Variants in ZBTB44 observed in about 807,000 individuals in gnomAD.
ZBTB44 encodes the protein zinc finger and BTB domain-containing protein 44.
In ZBTB44, 15 loss-of-function variants were observed where a neutral mutation model predicts 54.0. The ratio of observed to expected loss-of-function variants is 0.28; its 90% CI spans 0.19 to 0.43. The LOEUF is 0.43. Ranked by LOEUF, ZBTB44 falls within the 20% of genes least tolerant of loss-of-function variation. The probability of loss-of-function intolerance (pLI) is 1.00; values close to 1 mark genes in which losing one functional copy is unlikely to be tolerated. For synonymous variants in ZBTB44, 230 were observed against 250.1 expected, an observed-to-expected ratio of 0.92 and a Z score of 0.76; for missense variants, 487 against 707.1, an observed-to-expected ratio of 0.69 and a Z score of 3.53.
Position 130,260,936 on chromosome 11 carries a change from G to C in ZBTB44, c.938C>G (p.Ser313Trp), listed in dbSNP as rs372697494. 3.5e-5 allele frequency: 57 copies of C among 1,613,842 alleles called. No individual in the cohort carries two copies. The highest frequency in any genetic ancestry group is 4.7e-5 in the Non-Finnish European group (56 of 1,179,902). Residue 313 changes from serine (S) to tryptophan (W), a missense_variant, in exon 2 of 8, where the codon TCG becomes TGG. Ser to Trp is a radical substitution (Grantham distance 177, BLOSUM62 -3). Around this residue, in one of 3 missense-constraint regions of ZBTB44, gnomAD observed 277 missense variants for 306.5 expected, o/e 0.90. Coordinates refer to ENST00000357899, the MANE Select transcript of ZBTB44 (RefSeq NM_001301098.2). ...VSQPVSASQS[S>W]LSDQQTVPGS... is the part of the protein sequence containing the mutation. ...TGGAACTGTCTGCTGATCACTCAGC[G>C]AACTCTGAGATGCACTGACAGGCTG...
rs1189706406 is a variant in ZBTB44 at position 130,244,665 on chromosome 11, T to TGG, written c.1019-4771_1019-4770dup. On this transcript the variant is annotated intron_variant, in intron 2 of 7. Coordinates refer to ENST00000357899, the MANE Select transcript of ZBTB44 (RefSeq NM_001301098.2). Reference sequence around the variant, plus strand: ...CTGGGCGACAGAGAGAGACTCTGTCTGGAAAAAAAAAAAAAAAAAAAGAAA... The same window carrying TGG: ...CTGGGCGACAGAGAGAGACTCTGTCTGGGGAAAAAAAAAAAAAAAAAAAGAAA... 1.4e-3 allele frequency among the ~76,000 whole-genome samples: 52 copies of TGG among 38,440 alleles called. 1 individual carries two copies. The highest frequency in any genetic ancestry group is 7.3e-3 in the African/African-American group (41 of 5,636). 25.2% of individuals were successfully genotyped at this position (38,440 alleles called of 152,430 possible).
chr11:130,295,313 A>G (rs186852619), intron 1 of ZBTB44, among the ~76,000 whole-genome samples: 14 of 152,326 alleles, frequency 9.2e-5, no homozygotes, highest in Admixed American at 5.2e-4. Flanking sequence ...AGTGGAAGAT[A>G]TAAAACCTAA....
At chr11:130,269,554 T>C (rs112607175) in intron 1 of ZBTB44, among the ~76,000 whole-genome samples, 1,857 of 152,356 alleles carry the variant, frequency 0.012, 17 homozygotes, top group Middle Eastern at 0.02. Flanking sequence ...TCACACATTC[T>C]TGTGAAAGTG....
intron 1 of ZBTB44, among the ~76,000 whole-genome samples, chr11:130,278,973 C>T (rs369449802): frequency 1.3e-5 from 2 of 152,026 alleles, no homozygotes; most frequent in East Asian, 3.9e-4. Flanking sequence ...GTGCATGAGT[C>T]ATAATTTCTT....
intron 1 of ZBTB44, among the ~76,000 whole-genome samples, chr11:130,313,966 A>AT (rs1555059256): frequency 2.6e-5 from 3 of 116,134 alleles, no homozygotes; most frequent in African/African-American, 8.5e-5. Flanking sequence ...ATATATATAT[A>AT]TTTTTTTAAA....
intron 1 of ZBTB44, among the ~76,000 whole-genome samples, chr11:130,277,844 C>T (rs557297777): frequency 1.3e-5 from 2 of 152,040 alleles, no homozygotes; most frequent in African/African-American, 4.8e-5. Context: ...CTTTATTTTG[C>T]TTTCATTTAA....
At chr11:130,307,060 C>T (rs1165939274) in intron 1 of ZBTB44, among the ~76,000 whole-genome samples, 3 of 146,502 alleles carry the variant, frequency 2.0e-5, no homozygotes, top group Admixed American at 1.4e-4. Context: ...AAAAAAAAAT[C>T]AAAGAACAAG....
Position 130,238,893 on chromosome 11 carries a change from G to GA in ZBTB44, c.1104-287dup, listed in dbSNP as rs536470222. 28 of 209,542 alleles carry GA rather than the reference G, an allele frequency of 1.3e-4. No individual in the cohort carries two copies. In the South Asian group the frequency reaches 3.3e-3, roughly 25 times the overall value. The allele number at this position is 209,542 out of a possible 1,614,324, so 13.0% of individuals were successfully genotyped here. On this transcript the variant is annotated intron_variant, in intron 3 of 7. Transcript: ENST00000357899. ...CCTATAGATTTTAGGTATGAATAAA[G>GA]AATGTTAAGAATCTATAGCTTAAAA... is the stretch of plus-strand genomic sequence containing the variant.
chr11:130,301,517 C>T (rs183754513), intron 1 of ZBTB44, among the ~76,000 whole-genome samples: 68 of 152,014 alleles, frequency 4.5e-4, no homozygotes, highest in South Asian at 2.5e-3. Context: ...TATAATAATC[C>T]GCTGCGTGTG....
chr11:130,303,705 G>C (rs1484601916), intron 1 of ZBTB44, among the ~76,000 whole-genome samples: 1 of 151,638 alleles, frequency 6.6e-6, no homozygotes, highest in Non-Finnish European at 1.5e-5. Context: ...AATACCTGTA[G>C]AAGGATAGCA....
At chr11:130,270,483 A>C (rs1939588513) in intron 1 of ZBTB44, among the ~76,000 whole-genome samples, 1 of 152,230 alleles carries the variant, frequency 6.6e-6, no homozygotes, top group Non-Finnish European at 1.5e-5. Flanking sequence ...GATTTTACAG[A>C]TGAGGAAACT....
intron 1 of ZBTB44, chr11:130,295,892 A>G (rs1210727333): frequency 6.8e-7 from 1 of 1,476,004 alleles, no homozygotes; most frequent in Non-Finnish European, 9.5e-7. Context: ...GTGCATACCT[A>G]TGGGTTGATA....
chr11:130,288,640 G>GT (rs1306267584), intron 1 of ZBTB44, among the ~76,000 whole-genome samples: 1 of 152,020 alleles, frequency 6.6e-6, no homozygotes, highest in Non-Finnish European at 1.5e-5. Flanking sequence ...GCTCATGCCT[G>GT]TAATCCCAGC....
intron 2 of ZBTB44, among the ~76,000 whole-genome samples, chr11:130,245,307 A>G (rs1954596099): frequency 7.9e-5 from 12 of 152,228 alleles, no homozygotes; most frequent in Admixed American, 7.9e-4. Context: ...ATCCAGATGT[A>G]GGACAGAGAA....
At chr11:130,255,560 A>G (rs1457630041) in intron 2 of ZBTB44, among the ~76,000 whole-genome samples, 2 of 152,198 alleles carry the variant, frequency 1.3e-5, no homozygotes, top group Admixed American at 6.5e-5. Flanking sequence ...AGAACAGAGC[A>G]GAACCGAAAG....
chr11:130,281,242 G>A (rs958687156), intron 1 of ZBTB44, among the ~76,000 whole-genome samples: 18 of 152,088 alleles, frequency 1.2e-4, no homozygotes, highest in African/African-American at 3.9e-4. Flanking sequence ...AAAACAGGCC[G>A]GGCGCGGTGG....
At chr11:130,301,095 T>C (rs1941963931) in intron 1 of ZBTB44, among the ~76,000 whole-genome samples, 1 of 151,922 alleles carries the variant, frequency 6.6e-6, no homozygotes. Context: ...TGATAACAGA[T>C]GGTATAAGGT....
At chr11:130,313,019 T>A (rs944737768) in intron 1 of ZBTB44, among the ~76,000 whole-genome samples, 2 of 152,134 alleles carry the variant, frequency 1.3e-5, no homozygotes, top group African/African-American at 4.8e-5. Context: ...GCATTTTTAT[T>A]CATTGCATGA....
chr11:130,238,801 TTTTTA>T (rs1448480655), intron 3 of ZBTB44, 194 bp from the exon 4 acceptor site: 2 of 617,086 alleles, frequency 3.2e-6, no homozygotes, highest in Admixed American at 3.7e-5. Context: ...TTGTTTTTTT[TTTTTA>T]TTTTTTGAGA....
Sources: allele counts gnomAD v4.1 joint callset (sites outside exome capture counted in the v4.1 genomes callset), GRCh38; gene constraint gnomAD v4.1.1; regional missense constraint gnomAD v4.1.1; transcripts MANE v1.5; gene names NCBI Gene and HGNC (gene_info 2026-07-23, HGNC 2026-07-21).